The following DLGAP2 variants were observed in gnomAD, a reference collection of about 807,000 sequenced individuals.
DLGAP2 encodes the protein disks large-associated protein 2.
DLGAP2 carries 26 observed loss-of-function variants against 100.3 expected under a neutral mutation model. That is an observed-to-expected ratio of 0.26 (90% CI 0.19 to 0.36). The LOEUF (loss-of-function observed/expected upper bound fraction) is 0.36. DLGAP2 is among the 10% of genes least tolerant of loss of function. The pLI, the probability that DLGAP2 is intolerant of heterozygous loss-of-function variation, is 1.00. For synonymous variants in DLGAP2, 886 were observed against 630.1 expected (o/e 1.41, Z -6.08); for missense variants, 1,858 against 1,453.2 (o/e 1.28, Z -4.53).
chr8:1,319,560 A>G (rs918543286), intron 3 of DLGAP2, among the ~76,000 whole-genome samples: 1 of 152,174 alleles, frequency 6.6e-6, no homozygotes, highest in Non-Finnish European at 1.5e-5. Flanking sequence ...ACAATCACTG[A>G]TTTCAAGGAG....
chr8:1,265,976 G>T (rs1799442422), intron 3 of DLGAP2, among the ~76,000 whole-genome samples: 1 of 152,092 alleles, frequency 6.6e-6, no homozygotes, highest in South Asian at 2.1e-4. Context: ...GAAGCTATAA[G>T]AACCATCTAC....
intron 2 of DLGAP2, among the ~76,000 whole-genome samples, chr8:1,037,507 G>A (rs1009852041): frequency 2.0e-5 from 3 of 152,068 alleles, no homozygotes; most frequent in African/African-American, 4.8e-5. Context: ...TCACCTGTCC[G>A]AGGGACGGAG....
intron 3 of DLGAP2, among the ~76,000 whole-genome samples, chr8:1,444,380 A>G (rs913093327): frequency 3.3e-5 from 5 of 152,234 alleles, no homozygotes; most frequent in Non-Finnish European, 5.9e-5. Flanking sequence ...TTGCTACTGA[A>G]AAGGGACATT....
At chr8:742,800 TC>T (rs2132558616) in intron 1 of DLGAP2, among the ~76,000 whole-genome samples, 1 of 152,282 alleles carries the variant, frequency 6.6e-6, no homozygotes, top group East Asian at 1.9e-4. Context: ...GAGTCACTTT[TC>T]CCAGCTGCAT....
chr8:1,617,896 C>A (rs1463074393), intron 6 of DLGAP2, among the ~76,000 whole-genome samples: 2 of 152,132 alleles, frequency 1.3e-5, no homozygotes, highest in Non-Finnish European at 2.9e-5. Context: ...TGGAAAACAA[C>A]AGTAAAATGG....
chr8:955,965 T>C (rs1380277013), intron 2 of DLGAP2, among the ~76,000 whole-genome samples: 3 of 152,064 alleles, frequency 2.0e-5, no homozygotes, highest in Non-Finnish European at 4.4e-5. Context: ...GCTTTAACCT[T>C]TTGGGCCCTG....
At chr8:1,096,874 TGG>T in intron 2 of DLGAP2, among the ~76,000 whole-genome samples, 1 of 139,922 alleles carries the variant, frequency 7.1e-6, no homozygotes, top group Non-Finnish European at 1.5e-5. Flanking sequence ...CTCTGTGGCA[TGG>T]AGAGGTCTCC....
chr8:1,287,472 G>GAT (rs72234607), intron 3 of DLGAP2, among the ~76,000 whole-genome samples: 1 of 45,210 alleles, frequency 2.2e-5, no homozygotes, highest in Non-Finnish European at 3.7e-5. Flanking sequence ...TCGGTTCAGC[G>GAT]TGTGTGTGTG....
chr8:889,766 G>A (rs1410931776), intron 1 of DLGAP2, among the ~76,000 whole-genome samples: 2 of 152,234 alleles, frequency 1.3e-5, no homozygotes, highest in East Asian at 3.9e-4. Flanking sequence ...TTAGACAGCA[G>A]GCCGCTGCAG....
rs55762722 is a variant in DLGAP2, at chr8:1,601,945, GGTGTGT to G, written c.1443-24765_1443-24760del. Among the ~76,000 whole-genome samples the G allele has an allele frequency of 7.7e-4, 113 of 146,454 alleles. No homozygotes were observed. The East Asian group carries it at 0.013, about 17-fold the overall frequency. ...TGATCCTAAAACCTTAATTTAACAG[GGTGTGT>G]GTGTGTGTGTGTGTGTGTGTGTGTG... On this transcript the variant is annotated intron_variant, in intron 6 of 14. Transcript: ENST00000637795.
At chr8:1,469,420 T>C (rs1209443302) in intron 3 of DLGAP2, among the ~76,000 whole-genome samples, 2 of 152,228 alleles carry the variant, frequency 1.3e-5, no homozygotes, top group African/African-American at 2.4e-5. Context: ...ACCCTCCATG[T>C]GGCCACCAAG....
At position 1,510,502 on chromosome 8, in the gene DLGAP2, A is replaced by C. The variant is rs114390213; in HGVS notation, c.172+9071A>C. On this transcript the variant is annotated intron_variant, in intron 4 of 14. Coordinates refer to ENST00000637795, the MANE Select transcript of DLGAP2 (RefSeq NM_001346810.2). ...GAAGGTCCAGTTTTGTGGCAGGTCC[A>C]AGGGTTGAACACGACGAAGGAGGGA... Among the ~76,000 whole-genome samples the C allele has an allele frequency of 8.6e-3, 1,306 of 152,334 alleles. 19 individuals carry two copies. The highest frequency in any genetic ancestry group is 0.03 in the African/African-American group (1,251 of 41,566).
chr8:805,494 A>G (rs13262566), intron 1 of DLGAP2, among the ~76,000 whole-genome samples: 19,828 of 151,700 alleles, frequency 0.13, 1,818 homozygotes, highest in East Asian at 0.52. Flanking sequence ...CCACACCCAA[A>G]CTCAGATGGC....
intron 2 of DLGAP2, among the ~76,000 whole-genome samples, chr8:914,154 G>A (rs1584885510): frequency 1.3e-5 from 2 of 152,326 alleles, no homozygotes; most frequent in East Asian, 3.9e-4. Flanking sequence ...CTCAAGTTGT[G>A]CGAACAGAAT....
At position 769,687 on chromosome 8, in the gene DLGAP2, T is replaced by G. The variant is rs538825560; in HGVS notation, c.18+31862T>G. Among the ~76,000 whole-genome samples the G allele has an allele frequency of 2.6e-5, 4 of 152,196 alleles. No homozygotes were observed. In the East Asian group the frequency reaches 7.8e-4, roughly 30 times the overall value. ...GTGTTTGCACATCCTAGACGGTAGCTTGGGTTAGGGGCAACAGAGACACTC... is the reference window on the plus strand; with the variant it reads ...GTGTTTGCACATCCTAGACGGTAGCGTGGGTTAGGGGCAACAGAGACACTC... On this transcript the variant is annotated intron_variant, in intron 1 of 14. Coordinates refer to ENST00000637795, the MANE Select transcript of DLGAP2 (RefSeq NM_001346810.2).
At chr8:1,625,771 C>T (rs752186139) in intron 6 of DLGAP2, among the ~76,000 whole-genome samples, 2 of 152,232 alleles carry the variant, frequency 1.3e-5, no homozygotes, top group Non-Finnish European at 2.9e-5. Flanking sequence ...CACTACCTGG[C>T]CATAAAATCT....
At chr8:1,172,267 G>A (rs973642607) in intron 2 of DLGAP2, among the ~76,000 whole-genome samples, 4 of 152,140 alleles carry the variant, frequency 2.6e-5, no homozygotes, top group African/African-American at 7.2e-5. Flanking sequence ...TTAGTCTGAT[G>A]GGCTTCCCTT....
chr8:1,235,505 C>G (rs1489302702), intron 2 of DLGAP2, among the ~76,000 whole-genome samples: 1 of 149,808 alleles, frequency 6.7e-6, no homozygotes, highest in African/African-American at 2.5e-5. Flanking sequence ...AGCGTCATGT[C>G]TAGTTCTCTC....
chr8:1,082,517 C>T (rs1378850962), intron 2 of DLGAP2, among the ~76,000 whole-genome samples: 1 of 152,196 alleles, frequency 6.6e-6, no homozygotes, highest in African/African-American at 2.4e-5. Flanking sequence ...CAATTAAACT[C>T]AGAAGGAGAG....
Sources: allele counts gnomAD v4.1 joint callset (sites outside exome capture counted in the v4.1 genomes callset), GRCh38; gene constraint gnomAD v4.1.1; transcripts MANE v1.5; gene names NCBI Gene and HGNC (gene_info 2026-07-23, HGNC 2026-07-21).